PCDHGA7: variants seen among roughly 807,000 people sequenced by gnomAD.
PCDHGA7 encodes the protein protocadherin gamma subfamily A, 7, also known as protocadherin gamma-A7.
A neutral mutation model predicts 58.3 loss-of-function variants in PCDHGA7; 44 were observed. The ratio of observed to expected loss-of-function variants is 0.75; its 90% confidence interval spans 0.59 to 0.97. The LOEUF is 0.97. PCDHGA7 is among the 50% of genes least tolerant of loss of function. The pLI is 0.00. For synonymous variants in PCDHGA7, 516 were observed against 504.2 expected (o/e 1.02, Z -0.31); for missense variants, 1,266 against 1,188.7 (o/e 1.06, Z -0.96).
chr5:141,468,093 G>C (rs1319825848), intron 1 of PCDHGA7, among the ~76,000 whole-genome samples: 2 of 152,112 alleles, frequency 1.3e-5, no homozygotes, highest in Non-Finnish European at 2.9e-5. Flanking sequence ...GGGAGGTTGA[G>C]GCAGGCAGAT....
intron 1 of PCDHGA7, chr5:141,427,993 C>G: frequency 6.3e-7 from 1 of 1,599,460 alleles, no homozygotes; most frequent in South Asian, 1.1e-5. Flanking sequence ...CCCGATGGCT[C>G]CGCACTCTTC....
At position 141,476,290 on chromosome 5, in the gene PCDHGA7, C is replaced by T. The variant is rs768208156; in HGVS notation, c.2425-18517C>T. ...TGGTCGCGAACCTTGGTTTGGATCT[C>T]GGTAGCCTCTCAGCCCGCAGGTTCC... On this transcript the variant is annotated intron_variant, in intron 1 of 3. Coordinates refer to ENST00000518325, the MANE Select transcript of PCDHGA7 (RefSeq NM_018920.4). The surrounding 1 kb of genome is among the most constrained non-coding windows in gnomAD (Gnocchi z 7.6). 1.7e-5 allele frequency: 27 copies of T among 1,613,932 alleles called. No individual in the cohort carries two copies. Among genetic ancestry groups the T allele is most frequent in the Non-Finnish European group, 2.3e-5 (27 of 1,180,018 alleles).
At position 141,463,796 on chromosome 5, in the gene PCDHGA7, G is replaced by A. The variant is rs139760353; in HGVS notation, c.2425-31011G>A. ...ATCCTGCACTGTCTTTTGAACAAAT[G>A]TCTAAAAGCTTTTATCACACATTTT... On this transcript the variant is annotated intron_variant, in intron 1 of 3. Coordinates refer to ENST00000518325, the MANE Select transcript of PCDHGA7 (RefSeq NM_018920.4). Among the ~76,000 whole-genome samples, 155 of 152,232 alleles carry A rather than the reference G, an allele frequency of 1.0e-3. 1 individual carries two copies. The highest frequency in any genetic ancestry group is 3.4e-3 in the African/African-American group (140 of 41,538).
Position 141,485,859 on chromosome 5 carries a change from G to A in PCDHGA7, c.2425-8948G>A, listed in dbSNP as rs1272239385. ...CCGAGATCTGGCACCGCAGAGCTCC[G>A]GGTATCCGTGCTGGACGTAAACGAC... On this transcript the variant is annotated intron_variant, in intron 1 of 3. Transcript: ENST00000518325. This position sits in a 1 kb window ranked among gnomAD's most constrained non-coding sequence, Gnocchi z 5.7. 3.7e-6 allele frequency: 6 copies of A among 1,614,046 alleles called. No homozygotes were observed. Among genetic ancestry groups the A allele is most frequent in the Admixed American group, 3.3e-5 (2 of 60,000 alleles).
In PCDHGA7 at chr5:141,432,357, T is replaced by C. The variant is rs778669079; in HGVS notation, c.2424+47034T>C. 6.2e-7 allele frequency: 1 copy of C among 1,614,244 alleles called. No homozygotes were observed. Among genetic ancestry groups the C allele is most frequent in the African/African-American group, 1.3e-5 (1 of 75,072 alleles). The stretch of plus-strand genomic sequence containing the variant: ...TTCCGAGACTTGCAAGTGAAAGTGA[T>C]GGCGCGGGACAACGGGCACCCGCCC... On this transcript the variant is annotated intron_variant, in intron 1 of 3. Coordinates refer to ENST00000518325, the MANE Select transcript of PCDHGA7 (RefSeq NM_018920.4). This position sits in a 1 kb window ranked among gnomAD's most constrained non-coding sequence, Gnocchi z 6.0.
chr5:141,393,264 C>T, intron 1 of PCDHGA7: 1 of 1,613,916 alleles, frequency 6.2e-7, no homozygotes, highest in Non-Finnish European at 8.5e-7. Flanking sequence ...TCCTGGAGCA[C>T]GTTATCCACT....
At chr5:141,460,864 A>C (rs1220160866) in intron 1 of PCDHGA7, among the ~76,000 whole-genome samples, 1 of 151,800 alleles carries the variant, frequency 6.6e-6, no homozygotes, top group East Asian at 1.9e-4. Flanking sequence ...AAGTTGCTGC[A>C]AAGGACATTA....
chr5:141,457,579 A>G (rs557894260), intron 1 of PCDHGA7, among the ~76,000 whole-genome samples: 123 of 152,346 alleles, frequency 8.1e-4, no homozygotes, highest in Non-Finnish European at 1.4e-3. Flanking sequence ...TTTTCTCTCC[A>G]GTCCTCATTT....
intron 1 of PCDHGA7, among the ~76,000 whole-genome samples, chr5:141,461,267 T>C (rs2099012147): frequency 6.6e-6 from 1 of 152,140 alleles, no homozygotes; most frequent in Admixed American, 6.6e-5. Flanking sequence ...AATGTGTAAG[T>C]GTTCTCTTTT....
chr5:141,495,005 C>T (rs555909709), intron 2 of PCDHGA7, 140 bp downstream of exon 2: 1,141 of 1,522,692 alleles, frequency 7.5e-4, no homozygotes, highest in Non-Finnish European at 8.4e-4. Context: ...TCTTGGTGTG[C>T]GGGGGGCTGG....
intron 1 of PCDHGA7, among the ~76,000 whole-genome samples, chr5:141,438,835 A>T (rs1591550617): frequency 6.7e-6 from 1 of 149,784 alleles, no homozygotes; most frequent in African/African-American, 2.5e-5. Flanking sequence ...CTAATTTTTT[A>T]AAATATTTTT....
intron 1 of PCDHGA7, chr5:141,398,884 G>C: frequency 6.2e-7 from 1 of 1,613,952 alleles, no homozygotes; most frequent in Non-Finnish European, 8.5e-7. Flanking sequence ...CAGCCTTCGG[G>C]AAAACGTGCC....
intron 1 of PCDHGA7, among the ~76,000 whole-genome samples, chr5:141,386,528 T>G (rs1181319415): frequency 6.6e-6 from 1 of 152,148 alleles, no homozygotes; most frequent in African/African-American, 2.4e-5. Context: ...AAGACTCTTT[T>G]TAGACTAGTG....
Position 141,485,057 on chromosome 5 carries a change from C to A in PCDHGA7, c.2425-9750C>A, listed in dbSNP as rs2099605934. ...GTAACCCTTGCGGCGCCGGCCGAACCGCGCCAGAGCTGGCGCGGGGAAAGG... is the reference window on the plus strand; with the variant it reads ...GTAACCCTTGCGGCGCCGGCCGAACAGCGCCAGAGCTGGCGCGGGGAAAGG... On this transcript the variant is annotated intron_variant, in intron 1 of 3. Coordinates refer to ENST00000518325, the MANE Select transcript of PCDHGA7 (RefSeq NM_018920.4). The surrounding 1 kb of genome is among the most constrained non-coding windows in gnomAD (Gnocchi z 5.7). The A allele has an allele frequency of 2.4e-6, 2 of 843,718 alleles. No homozygotes were observed. Among genetic ancestry groups the A allele is most frequent in the South Asian group, 1.7e-5 (1 of 59,950 alleles). 52.3% of individuals were successfully genotyped at this position (843,718 alleles called of 1,614,324 possible).
intron 1 of PCDHGA7, among the ~76,000 whole-genome samples, chr5:141,481,994 A>AG (rs2099550091): frequency 1.3e-5 from 2 of 151,258 alleles, no homozygotes; most frequent in African/African-American, 4.9e-5. Context: ...TTGAAGCAGG[A>AG]GAATCGCTTT....
chr5:141,507,846 T>G (rs892503210), intron 3 of PCDHGA7, among the ~76,000 whole-genome samples: 1 of 152,134 alleles, frequency 6.6e-6, no homozygotes, highest in African/African-American at 2.4e-5. Context: ...CAGGCCCTGC[T>G]CTCACTTTCA....
intron 1 of PCDHGA7, among the ~76,000 whole-genome samples, chr5:141,462,819 A>G (rs1182498111): frequency 6.6e-6 from 1 of 152,210 alleles, no homozygotes; most frequent in East Asian, 1.9e-4. Context: ...TTTATTGGAC[A>G]GCAGACATTG....
chr5:141,404,004 C>T (rs1219625288), intron 1 of PCDHGA7: 3 of 1,613,842 alleles, frequency 1.9e-6, no homozygotes, highest in Non-Finnish European at 2.5e-6. Flanking sequence ...ACCATTACAT[C>T]TCTGTTTAGC....
chr5:141,496,144 T>C (rs1478887814), intron 2 of PCDHGA7, among the ~76,000 whole-genome samples: 1 of 151,780 alleles, frequency 6.6e-6, no homozygotes, highest in Non-Finnish European at 1.5e-5. Context: ...GAGCCTTTGA[T>C]CGCAGCTCTC....
Sources: allele counts gnomAD v4.1 joint callset (sites outside exome capture counted in the v4.1 genomes callset), GRCh38; gene constraint gnomAD v4.1.1; non-coding constraint Gnocchi (gnomAD v3.1); transcripts MANE v1.5; gene names NCBI Gene and HGNC (gene_info 2026-07-23, HGNC 2026-07-21).